RBBP8: variants seen among roughly 807,000 people sequenced by gnomAD.
RBBP8 encodes DNA endonuclease RBBP8.
Under a neutral mutation model 108.3 loss-of-function variants are expected in RBBP8, and 88 were observed. That is an observed-to-expected ratio of 0.81 (90% CI 0.68 to 0.97). The LOEUF is 0.97. Among genes scored for constraint, RBBP8 ranks in the 50% least tolerant of loss-of-function variants. The probability of loss-of-function intolerance (pLI) is 0.00; values close to 1 mark genes in which losing one functional copy is unlikely to be tolerated. For synonymous variants in RBBP8, 332 were observed against 348.2 expected, an observed-to-expected ratio of 0.95 and a Z score of 0.52; for missense variants, 1,023 against 1,049.0, an observed-to-expected ratio of 0.98 and a Z score of 0.34.
At chr18:22,973,319 T>C (rs529423616) in intron 5 of RBBP8, among the ~76,000 whole-genome samples, 86 of 152,230 alleles carry the variant, frequency 5.6e-4, no homozygotes, top group Non-Finnish European at 4.6e-4. Context: ...CCTTTCTGGC[T>C]TTTTAATACT....
chr18:22,917,724 G>A (rs1329427998), intron 3 of RBBP8, among the ~76,000 whole-genome samples: 2 of 152,090 alleles, frequency 1.3e-5, no homozygotes, highest in Non-Finnish European at 2.9e-5. Flanking sequence ...GTTGGGGCCG[G>A]GCGCAGTGGC....
intron 16 of RBBP8, among the ~76,000 whole-genome samples, chr18:23,013,339 G>T (rs115357219): frequency 6.6e-6 from 1 of 152,134 alleles, no homozygotes; most frequent in South Asian, 2.1e-4. Flanking sequence ...GGTTGGGGAT[G>T]AAATTATAGG....
chr18:22,920,621 A>G (rs1276324477), intron 3 of RBBP8: 1 of 152,178 alleles, frequency 6.6e-6, no homozygotes, highest in East Asian at 1.9e-4. Flanking sequence ...TTTAAATCTA[A>G]TGAATTTCTC....
In RBBP8 at chr18:22,984,758, A is replaced by T. The variant is rs926717684; in HGVS notation, c.605-128A>T. The stretch of plus-strand genomic sequence containing the variant: ...AATATGATAATTATGTCAATAAAAC[A>T]GTACTTATATTGGATTTAAATACAG... On this transcript the variant is annotated intron_variant, in intron 7 of 18. Transcript: ENST00000327155. The T allele has an allele frequency of 1.7e-4, 95 of 558,086 alleles. No individual in the cohort carries two copies. In the East Asian group the frequency reaches 3.0e-3, roughly 18 times the overall value. 34.6% of individuals were successfully genotyped at this position (558,086 alleles called of 1,614,324 possible).
chr18:23,017,153 G>A (rs1268045422), intron 17 of RBBP8, among the ~76,000 whole-genome samples: 1 of 151,890 alleles, frequency 6.6e-6, no homozygotes, highest in African/African-American at 2.4e-5. Context: ...CCAGAAGATC[G>A]AGACTGGCCT....
chr18:23,009,763 T>C (rs2046123848), intron 16 of RBBP8, among the ~76,000 whole-genome samples: 1 of 152,164 alleles, frequency 6.6e-6, no homozygotes, highest in Non-Finnish European at 1.5e-5. Context: ...ATATATACTT[T>C]GCTCTACTTT....
At chr18:22,942,691 A>C (rs1437544077) in intron 2 of RBBP8, among the ~76,000 whole-genome samples, 3 of 152,124 alleles carry the variant, frequency 2.0e-5, no homozygotes, top group Non-Finnish European at 4.4e-5. Context: ...CACAGAATTT[A>C]ATGGAAACTT....
intron 5 of RBBP8, among the ~76,000 whole-genome samples, chr18:22,971,669 G>A (rs557712359): frequency 1.4e-4 from 19 of 131,568 alleles, no homozygotes; most frequent in Non-Finnish European, 2.4e-4. Flanking sequence ...TTTTTGAGAC[G>A]GAGTCTCACA....
chr18:23,007,698 A>AG (rs1207028963), intron 16 of RBBP8, among the ~76,000 whole-genome samples: 1 of 101,390 alleles, frequency 9.9e-6, no homozygotes, highest in Non-Finnish European at 2.5e-5. Flanking sequence ...ACTCCGTCTC[A>AG]GAAAAAAAAA....
chr18:22,951,851 A>G (rs1168433990), intron 4 of RBBP8, among the ~76,000 whole-genome samples: 1 of 152,230 alleles, frequency 6.6e-6, no homozygotes, highest in Non-Finnish European at 1.5e-5. Flanking sequence ...TTACAAGTCA[A>G]CAGCCAAATG....
At chr18:22,979,337 T>C (rs1253283234) in intron 6 of RBBP8, among the ~76,000 whole-genome samples, 1 of 152,080 alleles carries the variant, frequency 6.6e-6, no homozygotes, top group African/African-American at 2.4e-5. Context: ...TTATTTAAAA[T>C]TTAAAAAATT....
At chr18:23,006,111 G>A (rs938316563) in intron 15 of RBBP8, among the ~76,000 whole-genome samples, 1 of 151,860 alleles carries the variant, frequency 6.6e-6, no homozygotes, top group African/African-American at 2.4e-5. Context: ...GCGTGAACCC[G>A]GGAGGTGGAG....
At chr18:22,984,102 A>AATT (rs550150387) in intron 7 of RBBP8, among the ~76,000 whole-genome samples, 174 of 152,110 alleles carry the variant, frequency 1.1e-3, no homozygotes, top group African/African-American at 4.0e-3. Context: ...TAATAATAAT[A>AATT]ATTTTAAATG....
At position 23,026,388 on chromosome 18, in the gene RBBP8, C is replaced by A; in HGVS notation, c.*148C>A. 1.3e-6 allele frequency: 1 copy of A among 753,318 alleles called. No homozygotes were observed. The highest frequency in any genetic ancestry group is 2.2e-6 in the Non-Finnish European group (1 of 451,498). 46.7% of individuals were successfully genotyped at this position (753,318 alleles called of 1,614,324 possible). ...TATTGAAAATGTTTGTGATATTTTG[C>A]TTTTGCACCTTTAAAACAATAAGGC... On this transcript the variant is annotated 3_prime_UTR_variant, in exon 19 of 19. Transcript: ENST00000327155.
At chr18:23,008,769 A>ATTTTTTTT (rs71161355) in intron 16 of RBBP8, among the ~76,000 whole-genome samples, 11 of 100,026 alleles carry the variant, frequency 1.1e-4, no homozygotes, top group East Asian at 3.0e-4. Context: ...TATGACTTTG[A>ATTTTTTTT]TTTTTTTTTT....
chr18:22,979,689 T>G (rs1914761578), intron 6 of RBBP8, among the ~76,000 whole-genome samples: 1 of 152,232 alleles, frequency 6.6e-6, no homozygotes, highest in Non-Finnish European at 1.5e-5. Flanking sequence ...TCAATTAACT[T>G]TATTTTTACT....
In RBBP8 at chr18:22,959,548, TAGTC is replaced by T. The variant is rs202232289; in HGVS notation, c.249-9255_249-9252del. 8.5e-3 allele frequency among the ~76,000 whole-genome samples: 1,300 copies of T among 152,300 alleles called. 18 individuals are homozygous for T. Among genetic ancestry groups the T allele is most frequent in the African/African-American group, 0.03 (1,242 of 41,562 alleles). On this transcript the variant is annotated intron_variant, in intron 4 of 18. Transcript: ENST00000327155. Reference sequence around the variant, plus strand: ...TGGTCTCTCTTTCTGGAGCACTTCTTAGTCAGAGACTGATTTTTTATCATCTTTT... The same window carrying T: ...TGGTCTCTCTTTCTGGAGCACTTCTTAGAGACTGATTTTTTATCATCTTTT...
chr18:22,971,766 C>A (rs1347358055), intron 5 of RBBP8, among the ~76,000 whole-genome samples: 1 of 151,402 alleles, frequency 6.6e-6, no homozygotes, highest in African/African-American at 2.4e-5. Flanking sequence ...CTGCCTCAAC[C>A]TCCCAAGTAG....
rs189649690 is a variant in RBBP8, at chr18:22,993,803, A to G, written c.1895A>G (p.Asn632Ser). Reference protein sequence around the residue: ...GCELASVLQLNPCRTGKIKSL... With the variant: ...GCELASVLQLSPCRTGKIKSL... ...GAACTTGCATCAGTTCTTCAGTTAAATCCATGTAGAACTGGTAAAATAAAG... is the reference window on the plus strand; with the variant it reads ...GAACTTGCATCAGTTCTTCAGTTAAGTCCATGTAGAACTGGTAAAATAAAG... The change falls in exon 12 of 19, where the codon AAT becomes AGT. Residue 632 changes from asparagine to serine, a missense_variant. Coordinates refer to ENST00000327155, the MANE Select transcript of RBBP8 (RefSeq NM_002894.3). 6.2e-7 allele frequency: 1 copy of G among 1,613,678 alleles called. No individual in the cohort carries two copies. Among genetic ancestry groups the G allele is most frequent in the Admixed American group, 1.7e-5 (1 of 60,024 alleles).
Sources: allele counts gnomAD v4.1 joint callset (sites outside exome capture counted in the v4.1 genomes callset), GRCh38; gene constraint gnomAD v4.1.1; transcripts MANE v1.5; gene names NCBI Gene and HGNC (gene_info 2026-07-23, HGNC 2026-07-21).